The following DYM variants were observed in gnomAD, a reference collection of about 807,000 sequenced individuals.
The protein encoded by DYM is dyggve-Melchior-Clausen syndrome protein.
DYM carries 78 observed loss-of-function variants against 93.1 expected under a neutral mutation model. That is an observed-to-expected ratio of 0.84 (90% CI 0.70 to 1.01). The LOEUF (loss-of-function observed/expected upper bound fraction) is 1.01. DYM is among the 50% of genes least tolerant of loss of function. The probability of loss-of-function intolerance (pLI) is 0.00; values close to 1 mark genes in which losing one functional copy is unlikely to be tolerated. For missense variants in DYM, 789 were observed against 845.0 expected, an observed-to-expected ratio of 0.93 and a Z score of 0.82; for synonymous variants, 321 against 319.7, an observed-to-expected ratio of 1.00 and a Z score of -0.04.
At chr18:49,204,693 A>G (rs576536072) in intron 14 of DYM, among the ~76,000 whole-genome samples, 1 of 152,216 alleles carries the variant, frequency 6.6e-6, no homozygotes, top group South Asian at 2.1e-4. Context: ...ACCATATCAC[A>G]ATCATTGTCA....
intron 17 of DYM, among the ~76,000 whole-genome samples, chr18:49,050,699 C>T (rs2072319174): frequency 6.6e-6 from 1 of 152,030 alleles, no homozygotes; most frequent in Non-Finnish European, 1.5e-5. Flanking sequence ...CCAGGCACTT[C>T]CTGCTTCACT....
chr18:49,372,100 A>C (rs2067096440), intron 5 of DYM, among the ~76,000 whole-genome samples: 1 of 152,198 alleles, frequency 6.6e-6, no homozygotes, highest in East Asian at 1.9e-4. Flanking sequence ...TCGACCTTCA[A>C]ACAACCTGTA....
chr18:49,226,056 C>G (rs1006710543), intron 13 of DYM, among the ~76,000 whole-genome samples: 1 of 152,090 alleles, frequency 6.6e-6, no homozygotes, highest in Admixed American at 6.6e-5. Flanking sequence ...GAATCTCATT[C>G]TCTTCCACAT....
intron 15 of DYM, among the ~76,000 whole-genome samples, chr18:49,138,569 G>A (rs930678559): frequency 1.3e-5 from 2 of 152,056 alleles, no homozygotes; most frequent in African/African-American, 2.4e-5. Flanking sequence ...TTTTATTAAC[G>A]TCTTCAGATT....
At chr18:49,428,359 A>C (rs2074494836) in intron 2 of DYM, among the ~76,000 whole-genome samples, 1 of 152,098 alleles carries the variant, frequency 6.6e-6, no homozygotes, top group African/African-American at 2.4e-5. Flanking sequence ...CATTTACATG[A>C]AACGTCTAGA....
intron 13 of DYM, among the ~76,000 whole-genome samples, chr18:49,243,481 A>G (rs1024410053): frequency 2.0e-5 from 3 of 152,050 alleles, no homozygotes; most frequent in South Asian, 2.1e-4. Context: ...CCTGGCCAAC[A>G]TTGTAAATCC....
intron 5 of DYM, among the ~76,000 whole-genome samples, chr18:49,376,151 ATATACATCTATGCTATTTGTCCTG>A (rs1433050940): frequency 1.3e-5 from 2 of 152,216 alleles, no homozygotes; most frequent in Middle Eastern, 3.4e-3. Flanking sequence ...TCCCCTTCAT[ATATACATCTATGCTATTTGTCCTG>A]TCCCTCCAGA....
At chr18:49,440,049 TAAATA>T (rs1199180421) in intron 1 of DYM, among the ~76,000 whole-genome samples, 1 of 125,852 alleles carries the variant, frequency 7.9e-6, no homozygotes, top group Non-Finnish European at 1.8e-5. Context: ...AATAAATAAA[TAAATA>T]AAACATGATA....
intron 13 of DYM, among the ~76,000 whole-genome samples, chr18:49,232,093 T>G (rs1180460512): frequency 1.3e-5 from 2 of 152,202 alleles, no homozygotes; most frequent in East Asian, 1.9e-4. Context: ...CATGTTCCCC[T>G]GCCTTTTACC....
intron 17 of DYM, among the ~76,000 whole-genome samples, chr18:49,067,412 T>C (rs1439239337): frequency 5.4e-5 from 8 of 148,526 alleles, no homozygotes; most frequent in Non-Finnish European, 6.0e-5. Context: ...ATGTGAGTGT[T>C]ATGGAGGTTC....
intron 17 of DYM, among the ~76,000 whole-genome samples, chr18:49,064,874 T>A (rs2076263536): frequency 6.6e-6 from 1 of 151,042 alleles, no homozygotes; most frequent in Non-Finnish European, 1.5e-5. Context: ...TTGTTGTTCA[T>A]AATGTATCTA....
At chr18:49,119,765 C>T (rs1165962420) in intron 15 of DYM, among the ~76,000 whole-genome samples, 4 of 151,976 alleles carry the variant, frequency 2.6e-5, no homozygotes, top group African/African-American at 9.7e-5. Flanking sequence ...ATGTCTAGAG[C>T]AAATCTGCCT....
intron 13 of DYM, among the ~76,000 whole-genome samples, chr18:49,248,963 G>T (rs1363600588): frequency 6.6e-6 from 1 of 152,188 alleles, no homozygotes; most frequent in African/African-American, 2.4e-5. Flanking sequence ...TACTTAGATA[G>T]ATTGGGAGGC....
intron 15 of DYM, among the ~76,000 whole-genome samples, chr18:49,141,815 G>A (rs1227941211): frequency 6.6e-6 from 1 of 152,104 alleles, no homozygotes; most frequent in Non-Finnish European, 1.5e-5. Flanking sequence ...TGGACTCAAT[G>A]TCTGGGACAA....
intron 15 of DYM, among the ~76,000 whole-genome samples, chr18:49,158,894 T>C (rs571066517): frequency 6.6e-6 from 1 of 152,268 alleles, no homozygotes; most frequent in South Asian, 2.1e-4. Context: ...TTGAAATAAC[T>C]AAAAGAGCAT....
intron 9 of DYM, among the ~76,000 whole-genome samples, chr18:49,282,629 AT>A (rs1400440664): frequency 1.3e-5 from 2 of 152,148 alleles, no homozygotes; most frequent in African/African-American, 4.8e-5. Flanking sequence ...CAAAACAAAA[AT>A]TTTACTTTAA....
At chr18:49,065,936 T>C (rs1286282238) in intron 17 of DYM, among the ~76,000 whole-genome samples, 1 of 152,086 alleles carries the variant, frequency 6.6e-6, no homozygotes, top group Non-Finnish European at 1.5e-5. Context: ...TTTACCTTCA[T>C]TGGAATCCCT....
At chr18:49,229,060 A>G (rs2093622829) in intron 13 of DYM, among the ~76,000 whole-genome samples, 1 of 82,416 alleles carries the variant, frequency 1.2e-5, no homozygotes, top group Non-Finnish European at 2.4e-5. Flanking sequence ...CATACTTACT[A>G]AAAGTTAAAC....
Position 49,101,999 on chromosome 18 carries a change from A to C in DYM, c.1912-4484T>G, listed in dbSNP as rs78162784. ...TGTAAAACACTCAACATCTAGATGTAGCATGATGCAGTGGTTTAGAGAACT... is the reference window on the plus strand; with the variant it reads ...TGTAAAACACTCAACATCTAGATGTCGCATGATGCAGTGGTTTAGAGAACT... On this transcript the variant is annotated intron_variant, in intron 16 of 17. Coordinates refer to ENST00000675505, the MANE Select transcript of DYM (RefSeq NM_001353214.3). Among the ~76,000 whole-genome samples, 560 of 152,330 alleles carry C rather than the reference A, an allele frequency of 3.7e-3. 2 individuals are homozygous for C. The highest frequency in any genetic ancestry group is 6.8e-3 in the Middle Eastern group (2 of 292).
Sources: allele counts gnomAD v4.1 joint callset (sites outside exome capture counted in the v4.1 genomes callset), GRCh38; gene constraint gnomAD v4.1.1; transcripts MANE v1.5; gene names NCBI Gene and HGNC (gene_info 2026-07-23, HGNC 2026-07-21).